TAFA2: variants seen among roughly 807,000 people sequenced by gnomAD.
The protein encoded by TAFA2 is chemokine-like protein TAFA-2.
A neutral mutation model predicts 18.8 loss-of-function variants in TAFA2; 7 were observed. The ratio of observed to expected loss-of-function variants is 0.37; its 90% CI spans 0.21 to 0.70. The LOEUF (loss-of-function observed/expected upper bound fraction) is 0.70, where lower values mean the gene tolerates loss of function less well. Ranked by LOEUF, TAFA2 falls within the 30% of genes least tolerant of loss-of-function variation. TAFA2 has a pLI of 0.53. For synonymous variants in TAFA2, 60 were observed against 54.2 expected, an observed-to-expected ratio of 1.11 and a Z score of -0.47; for missense variants, 122 against 158.1, an observed-to-expected ratio of 0.77 and a Z score of 1.23.
At chr12:61,817,897 T>C (rs931933113) in intron 2 of TAFA2, among the ~76,000 whole-genome samples, 1 of 152,170 alleles carries the variant, frequency 6.6e-6, no homozygotes, top group South Asian at 2.1e-4. Flanking sequence ...CTCAGAAACT[T>C]TAAATCACAG....
chr12:62,013,253 G>A (rs952884624), intron 1 of TAFA2, among the ~76,000 whole-genome samples: 3 of 152,098 alleles, frequency 2.0e-5, no homozygotes, highest in Non-Finnish European at 2.9e-5. Context: ...CAAATTTGTG[G>A]TATTTACCAT....
intron 1 of TAFA2, among the ~76,000 whole-genome samples, chr12:62,022,903 C>A (rs1199016308): frequency 6.6e-6 from 1 of 152,184 alleles, no homozygotes; most frequent in Non-Finnish European, 1.5e-5. Context: ...ATGAGGGGAG[C>A]AACCATACCA....
intron 1 of TAFA2, among the ~76,000 whole-genome samples, chr12:61,898,441 A>T (rs1875950424): frequency 6.6e-6 from 1 of 152,208 alleles, no homozygotes; most frequent in South Asian, 2.1e-4. Flanking sequence ...ATCTGCCTGG[A>T]CATCCAGGCA....
At chr12:61,815,832 G>A (rs1872061325) in intron 2 of TAFA2, among the ~76,000 whole-genome samples, 1 of 151,156 alleles carries the variant, frequency 6.6e-6, no homozygotes, top group Non-Finnish European at 1.5e-5. Context: ...TGTTTATTGT[G>A]CATCTGCTTT....
intron 1 of TAFA2, among the ~76,000 whole-genome samples, chr12:61,906,746 G>T (rs1357542121): frequency 1.3e-5 from 2 of 152,220 alleles, no homozygotes; most frequent in Non-Finnish European, 2.9e-5. Flanking sequence ...AATGCTGATA[G>T]CAATATGGAC....
At chr12:61,946,140 A>G (rs1319314346) in intron 1 of TAFA2, among the ~76,000 whole-genome samples, 1 of 150,370 alleles carries the variant, frequency 6.7e-6, no homozygotes, top group African/African-American at 2.5e-5. Flanking sequence ...CAGAGCCCTC[A>G]GAAATAATGC....
chr12:61,920,776 T>A lies in TAFA2; in HGVS notation c.-1-53350A>T, dbSNP rs192362013. ...AAAAAAATTCCTCCCCTATGCTACATACAATGTACAATTTTCTAATAATAT... is the reference window on the plus strand; with the variant it reads ...AAAAAAATTCCTCCCCTATGCTACAAACAATGTACAATTTTCTAATAATAT... On this transcript the variant is annotated intron_variant, in intron 1 of 4. Transcript: ENST00000416284. 6.6e-5 allele frequency among the ~76,000 whole-genome samples: 10 copies of A among 152,034 alleles called. No homozygotes were observed. The East Asian group carries it at 1.7e-3, about 26-fold the overall frequency.
At chr12:62,123,687 TCA>T (rs71083976) in intron 1 of TAFA2, among the ~76,000 whole-genome samples, 146,504 of 149,972 alleles carry the variant, frequency 0.98, 71,629 homozygotes, top group Middle Eastern at 1. Flanking sequence ...TCCCTCTCTC[TCA>T]CACACACACA....
At chr12:61,914,963 G>A (rs139731570) in intron 1 of TAFA2, among the ~76,000 whole-genome samples, 5,484 of 152,198 alleles carry the variant, frequency 0.036, 363 homozygotes, top group African/African-American at 0.12. Flanking sequence ...AGGAGTTCAA[G>A]ACCAGGCTGG....
intron 1 of TAFA2, among the ~76,000 whole-genome samples, chr12:62,100,928 G>A (rs1390380561): frequency 6.6e-6 from 1 of 152,086 alleles, no homozygotes; most frequent in African/African-American, 2.4e-5. Context: ...AGTGATATAG[G>A]TATGTCAGGA....
At chr12:62,151,642 G>GA (rs1264249837) in intron 1 of TAFA2, among the ~76,000 whole-genome samples, 1 of 152,142 alleles carries the variant, frequency 6.6e-6, no homozygotes, top group African/African-American at 2.4e-5. Context: ...TATTTATTCT[G>GA]ATTCCAACTG....
chr12:61,937,663 G>A (rs1877827340), intron 1 of TAFA2, among the ~76,000 whole-genome samples: 1 of 152,152 alleles, frequency 6.6e-6, no homozygotes, highest in South Asian at 2.1e-4. Flanking sequence ...ACTGAAGATG[G>A]AGCAAAGACT....
At chr12:61,755,795 G>T (rs1218003191) in intron 2 of TAFA2, among the ~76,000 whole-genome samples, 2 of 151,852 alleles carry the variant, frequency 1.3e-5, no homozygotes, top group Non-Finnish European at 2.9e-5. Context: ...TGAAAATTTT[G>T]GACCTTACTC....
chr12:61,827,765 G>T (rs1872579173), intron 2 of TAFA2, among the ~76,000 whole-genome samples: 1 of 151,930 alleles, frequency 6.6e-6, no homozygotes, highest in Non-Finnish European at 1.5e-5. Context: ...ATAGACCATA[G>T]AAACATTTTT....
intron 1 of TAFA2, among the ~76,000 whole-genome samples, chr12:61,961,339 T>C (rs748914532): frequency 2.2e-4 from 33 of 151,938 alleles, no homozygotes; most frequent in Non-Finnish European, 3.5e-4. Context: ...CTATATCAAC[T>C]ATCAACTTAA....
At chr12:62,201,589 A>G (rs752173127) in intron 1 of TAFA2, among the ~76,000 whole-genome samples, 2 of 152,312 alleles carry the variant, frequency 1.3e-5, no homozygotes, top group South Asian at 4.1e-4. Flanking sequence ...GGATGAAGAC[A>G]ACTTGATCAT....
At chr12:61,861,899 C>A (rs1301234903) in intron 2 of TAFA2, among the ~76,000 whole-genome samples, 1 of 152,230 alleles carries the variant, frequency 6.6e-6, no homozygotes, top group South Asian at 2.1e-4. Flanking sequence ...TCACTCAGAC[C>A]AGTAATTAGC....
chr12:62,157,123 T>G (rs555526049), intron 1 of TAFA2, among the ~76,000 whole-genome samples: 20 of 152,250 alleles, frequency 1.3e-4, no homozygotes, highest in African/African-American at 4.8e-4. Flanking sequence ...CTTCAAAAAA[T>G]GAAGGACAAT....
At chr12:62,058,152 G>A (rs1373460) in intron 1 of TAFA2, among the ~76,000 whole-genome samples, 50,528 of 152,028 alleles carry the variant, frequency 0.33, 8,987 homozygotes, top group Middle Eastern at 0.48. Flanking sequence ...CTATTGAGAA[G>A]TCAACTATGC....
Sources: gnomAD v4.1 joint callset for allele counts (sites outside exome capture counted in the v4.1 genomes callset) on GRCh38, gnomAD v4.1.1 for gene constraint, MANE v1.5 for transcripts, NCBI Gene and HGNC (gene_info 2026-07-23, HGNC 2026-07-21) for gene names.